The following LARS1 variants were observed in gnomAD, a reference collection of about 807,000 sequenced individuals.
The protein encoded by LARS1 is leucyl-tRNA synthetase 1.
In LARS1, 100 loss-of-function variants were observed where a neutral mutation model predicts 162.8. That is an observed-to-expected ratio of 0.61 (90% CI 0.52 to 0.73). LARS1 has a LOEUF of 0.73. Ranked by LOEUF, LARS1 falls within the 30% of genes least tolerant of loss-of-function variation. The pLI, the probability that LARS1 is intolerant of heterozygous loss-of-function variation, is 0.00. For missense variants in LARS1, 1,258 were observed against 1,408.9 expected, an observed-to-expected ratio of 0.89 and a Z score of 1.71; for synonymous variants, 457 against 462.8, an observed-to-expected ratio of 0.99 and a Z score of 0.16.
At position 146,145,153 on chromosome 5, in the gene LARS1, C is replaced by T. The variant is rs1752957341; in HGVS notation, c.1504-444G>A. Among the ~76,000 whole-genome samples the T allele has an allele frequency of 3.3e-5, 5 of 152,146 alleles. No homozygotes were observed. The South Asian group carries it at 1.0e-3, about 32-fold the overall frequency. ...AGCGCAGTGGCACTATCATGGCTCA[C>T]TACAACCTCGACCTCCTGGCTCATG... On this transcript the variant is annotated intron_variant, in intron 15 of 31. Coordinates refer to ENST00000394434, the MANE Select transcript of LARS1 (RefSeq NM_020117.11).
Position 146,130,854 on chromosome 5 carries a change from ATAACT to A in LARS1, c.2487+160_2487+164del, listed in dbSNP as rs1752244907. 2.2e-5 allele frequency: 10 copies of A among 462,472 alleles called. No individual in the cohort carries two copies. The East Asian group carries it at 3.4e-4, about 16-fold the overall frequency. 28.6% of individuals were successfully genotyped at this position (462,472 alleles called of 1,614,324 possible). On this transcript the variant is annotated intron_variant, in intron 24 of 31. Coordinates refer to ENST00000394434, the MANE Select transcript of LARS1 (RefSeq NM_020117.11). ...CACAATAGAAAAAATACCAAAGATA[ATAACT>A]TAAAATCACAATTTATTGAAGAATT...
At chr5:146,168,407 T>C in intron 4 of LARS1, 142 bp from the exon 5 acceptor site, 1 of 802,276 alleles carries the variant, frequency 1.2e-6, no homozygotes, top group Non-Finnish European at 1.9e-6. Context: ...TACAGAAAAC[T>C]GAAACGGAGG....
chr5:146,170,732 T>C (rs965676031), intron 4 of LARS1, among the ~76,000 whole-genome samples: 4 of 151,706 alleles, frequency 2.6e-5, no homozygotes, highest in African/African-American at 7.3e-5. Flanking sequence ...TGGTGGCTCA[T>C]GCCTGTAATC....
At chr5:146,179,687 C>T (rs1025874892) in intron 1 of LARS1, 2 of 442,436 alleles carry the variant, frequency 4.5e-6, no homozygotes, top group South Asian at 3.2e-5. Context: ...GCAGCCTTGA[C>T]CTACTGGGCT....
At position 146,124,087 on chromosome 5, in the gene LARS1, C is replaced by G. The variant is rs1751946662; in HGVS notation, c.2992-1G>C. The G allele has an allele frequency of 6.3e-7, 1 of 1,592,078 alleles. No homozygotes were observed. The highest frequency in any genetic ancestry group is 1.1e-5 in the South Asian group (1 of 90,616). ...GAGGCCCCATCTTCTCCAGATTTTCCTAATAGCCAAAATGGTATGGAAAAA... is the reference window on the plus strand; with the variant it reads ...GAGGCCCCATCTTCTCCAGATTTTCGTAATAGCCAAAATGGTATGGAAAAA... On this transcript the variant is annotated splice_acceptor_variant, in intron 28 of 31. Transcript: ENST00000394434. LOFTEE classifies it high-confidence loss of function.
intron 15 of LARS1, among the ~76,000 whole-genome samples, chr5:146,145,453 G>A (rs537261335): frequency 7.9e-5 from 12 of 151,910 alleles, no homozygotes; most frequent in African/African-American, 2.7e-4. Flanking sequence ...ACTAAACATA[G>A]AAAATCTTGT....
At chr5:146,121,136 T>C (rs1751802590) in intron 30 of LARS1, among the ~76,000 whole-genome samples, 1 of 152,184 alleles carries the variant, frequency 6.6e-6, no homozygotes, top group African/African-American at 2.4e-5. Context: ...ATGGCTCAAA[T>C]GACTGAACTA....
chr5:146,139,069 G>A, intron 21 of LARS1: 2 of 291,514 alleles, frequency 6.9e-6, no homozygotes, highest in South Asian at 3.0e-5. Context: ...ATGGCCGAGT[G>A]CAGTGGCTCA....
chr5:146,122,426 T>G, intron 30 of LARS1, 66 bp downstream of exon 30: 2 of 857,518 alleles, frequency 2.3e-6, no homozygotes, highest in Non-Finnish European at 3.8e-6. Context: ...TGGGTTTAGA[T>G]GTAATGATCT....
chr5:146,162,632 C>T (rs1581069622), intron 6 of LARS1, among the ~76,000 whole-genome samples: 2 of 152,212 alleles, frequency 1.3e-5, no homozygotes, highest in South Asian at 4.1e-4. Flanking sequence ...TAGCCTCTAA[C>T]AAGAATCAGC....
intron 22 of LARS1, among the ~76,000 whole-genome samples, chr5:146,134,624 C>T (rs1284044244): frequency 6.6e-6 from 1 of 152,066 alleles, no homozygotes; most frequent in Admixed American, 6.5e-5. Context: ...CTGAAAAAAT[C>T]AATGTTCCCA....
intron 25 of LARS1, 28 bp downstream of exon 25, chr5:146,129,990 T>C (rs1198778550): frequency 5.0e-6 from 8 of 1,584,638 alleles, no homozygotes; most frequent in Non-Finnish European, 6.9e-6. Context: ...TCAAAACCAC[T>C]CGAAACATTT....
intron 29 of LARS1, among the ~76,000 whole-genome samples, chr5:146,122,840 C>T (rs896965425): frequency 2.0e-5 from 3 of 151,960 alleles, no homozygotes; most frequent in Admixed American, 6.6e-5. Context: ...TGGCATCTAT[C>T]TGCCATATAA....
intron 30 of LARS1, among the ~76,000 whole-genome samples, chr5:146,121,061 G>A (rs979736221): frequency 1.3e-5 from 2 of 152,076 alleles, no homozygotes; most frequent in Admixed American, 6.6e-5. Flanking sequence ...TATCTTAATA[G>A]AATACTTGAA....
chr5:146,150,168 CTA>C (rs1279440896), intron 14 of LARS1, among the ~76,000 whole-genome samples: 1 of 134,584 alleles, frequency 7.4e-6, no homozygotes, highest in East Asian at 2.0e-4. Context: ...TCTTTCACCT[CTA>C]TCTTTTTCAG....
Position 146,151,962 on chromosome 5 carries a change from G to A in LARS1, c.1325C>T (p.Ala442Val), listed in dbSNP as rs749503814. ...TTTCAACTCATCACAAATGGTTACA[G>A]CAGAAAGATTTCCAAAACCTGGGAT... Reference protein sequence around the residue: ...IEIPGFGNLSAVTICDELKIQ... With the variant: ...IEIPGFGNLSVVTICDELKIQ... The change falls in exon 14 of 32, where the codon GCT (alanine) becomes GTT (valine). Residue 442 changes from alanine (A) to valine (V), a missense_variant. Transcript: ENST00000394434. 6.2e-7 allele frequency: 1 copy of A among 1,614,060 alleles called. No homozygotes were observed. Among genetic ancestry groups the A allele is most frequent in the Non-Finnish European group, 8.5e-7 (1 of 1,180,016 alleles).
rs777771968 is a variant in LARS1, at chr5:146,143,565, G to GT, written c.1739-16dup. On this transcript the variant is annotated splice_polypyrimidine_tract_variant and intron_variant, in intron 18 of 31. Transcript: ENST00000394434. ...CAGGTGAGTGCCTGAAAAATAAAAAGTAACGCATGAGGAACCTGAGAGACA... is the reference window on the plus strand; with the variant it reads ...CAGGTGAGTGCCTGAAAAATAAAAAGTTAACGCATGAGGAACCTGAGAGACA... The GT allele has an allele frequency of 6.2e-7, 1 of 1,611,224 alleles. No individual in the cohort carries two copies. The highest frequency in any genetic ancestry group is 8.5e-7 in the Non-Finnish European group (1 of 1,178,206).
intron 2 of LARS1, among the ~76,000 whole-genome samples, chr5:146,174,485 CAT>C (rs550238465): frequency 0.13 from 3,088 of 24,194 alleles, 429 homozygotes; most frequent in Non-Finnish European, 0.16. Context: ...TATATATATC[CAT>C]ATATATATAT....
intron 6 of LARS1, among the ~76,000 whole-genome samples, chr5:146,162,421 A>AC (rs1753816921): frequency 1.3e-5 from 2 of 149,822 alleles, no homozygotes; most frequent in Non-Finnish European, 3.0e-5. Context: ...TTTGAAAGAA[A>AC]TTTTTTTTTT....
Sources: allele counts gnomAD v4.1 joint callset (sites outside exome capture counted in the v4.1 genomes callset), GRCh38; gene constraint gnomAD v4.1.1; transcripts MANE v1.5; gene names NCBI Gene and HGNC (gene_info 2026-07-23, HGNC 2026-07-21).